Variants in RGS5 observed in about 807,000 individuals in gnomAD.
RGS5 encodes regulator of G protein signaling 5.
RGS5 carries 20 observed loss-of-function variants against 18.9 expected under a neutral mutation model. The ratio of observed to expected loss-of-function variants is 1.06; its 90% CI spans 0.74 to 1.54. The LOEUF (loss-of-function observed/expected upper bound fraction) is 1.54, where lower values mean the gene tolerates loss of function less well. RGS5 is among the 40% of genes most tolerant of loss of function. The pLI is 0.00. For missense variants in RGS5, 201 were observed against 211.8 expected (o/e 0.95, Z 0.32); for synonymous variants, 57 against 76.2 (o/e 0.75, Z 1.31).
intron 2 of RGS5, among the ~76,000 whole-genome samples, chr1:163,284,148 C>A (rs557685359): frequency 6.6e-6 from 1 of 152,132 alleles, no homozygotes; most frequent in African/African-American, 2.4e-5. Flanking sequence ...AGCTTGAATT[C>A]CTGTTTTAAG....
At chr1:163,157,632 G>A (rs889691350) in intron 3 of RGS5, among the ~76,000 whole-genome samples, 6 of 152,088 alleles carry the variant, frequency 3.9e-5, no homozygotes, top group African/African-American at 1.4e-4. Flanking sequence ...ACATAACAAT[G>A]CCAAATTTCC....
intron 1 of RGS5, among the ~76,000 whole-genome samples, chr1:163,183,057 T>C (rs966038406): frequency 3.3e-5 from 5 of 152,226 alleles, no homozygotes; most frequent in African/African-American, 1.2e-4. Flanking sequence ...AACTTTAATG[T>C]GTCCTCTCAT....
intron 1 of RGS5, among the ~76,000 whole-genome samples, chr1:163,190,225 A>G (rs1298583659): frequency 6.6e-6 from 1 of 152,198 alleles, no homozygotes; most frequent in Admixed American, 6.5e-5. Flanking sequence ...CAGAGCTTAG[A>G]CTGAGGCTTA....
intron 2 of RGS5, among the ~76,000 whole-genome samples, chr1:163,293,584 C>T (rs1649349169): frequency 6.6e-6 from 1 of 152,086 alleles, no homozygotes; most frequent in South Asian, 2.1e-4. Context: ...TATCATTCTG[C>T]CCCTGGCCCC....
chr1:163,303,769 T>C (rs947389724), intron 2 of RGS5, among the ~76,000 whole-genome samples: 1 of 152,164 alleles, frequency 6.6e-6, no homozygotes, highest in African/African-American at 2.4e-5. Context: ...ACCACCTGCC[T>C]GAGCTCCATC....
At chr1:163,273,889 G>C (rs1648784477) in intron 2 of RGS5, among the ~76,000 whole-genome samples, 1 of 152,092 alleles carries the variant, frequency 6.6e-6, no homozygotes, top group South Asian at 2.1e-4. Context: ...TGATTCTCTG[G>C]AATGTATGGT....
upstream of RGS5, among the ~76,000 whole-genome samples, chr1:163,218,035 TGAA>T (rs1660255459): frequency 1.3e-5 from 2 of 148,580 alleles, no homozygotes; most frequent in Non-Finnish European, 3.0e-5. Context: ...GTGACCTGCC[TGAA>T]AAAAAAAAAA....
chr1:163,320,459 T>C (rs958550147), intron 1 of RGS5, among the ~76,000 whole-genome samples: 5 of 152,174 alleles, frequency 3.3e-5, no homozygotes, highest in African/African-American at 1.2e-4. Context: ...ACCTAGGTAG[T>C]AAATGGTGTG....
In RGS5 at chr1:163,292,929, A is replaced by G. The variant is rs144859736; in HGVS notation, c.-281+13304T>C. ...ATGCTGGATATTAGACCTTTGTCGA[A>G]TGGATAGATTGCAAAAATTTTCTCC... On this transcript the variant is annotated intron_variant, in intron 2 of 5. Coordinates refer to the RGS5 transcript ENST00000618415. Among the ~76,000 whole-genome samples the G allele has an allele frequency of 3.3e-5, 5 of 152,286 alleles. No homozygotes were observed. The East Asian group carries it at 9.7e-4, about 29-fold the overall frequency.
At chr1:163,252,037 G>T (rs764267747) in intron 2 of RGS5, among the ~76,000 whole-genome samples, 2 of 152,004 alleles carry the variant, frequency 1.3e-5, no homozygotes, top group Non-Finnish European at 2.9e-5. Context: ...ATGATTGCTG[G>T]GTTGTATCTT....
chr1:163,299,233 T>C (rs1382852772), intron 2 of RGS5, among the ~76,000 whole-genome samples: 1 of 152,208 alleles, frequency 6.6e-6, no homozygotes, highest in Admixed American at 6.5e-5. Context: ...GTGTTTAAAA[T>C]GTTAGTCTTC....
chr1:163,273,059 T>C (rs1341151343), intron 2 of RGS5, among the ~76,000 whole-genome samples: 1 of 152,138 alleles, frequency 6.6e-6, no homozygotes. Context: ...GTTTCTATTA[T>C]GATCTCCAAT....
At chr1:163,304,813 G>A (rs1221167677) in intron 2 of RGS5, 1 of 152,122 alleles carries the variant, frequency 6.6e-6, no homozygotes, top group Non-Finnish European at 1.5e-5. Flanking sequence ...CCACACATTG[G>A]GAATAATCAG....
At chr1:163,283,312 G>T (rs1386446618) in intron 2 of RGS5, among the ~76,000 whole-genome samples, 10 of 152,088 alleles carry the variant, frequency 6.6e-5, no homozygotes, top group Non-Finnish European at 1.5e-4. Context: ...ACAACACAAA[G>T]AAATGATAAA....
chr1:163,231,133 A>T (rs1647470253), intron 2 of RGS5, among the ~76,000 whole-genome samples: 1 of 152,240 alleles, frequency 6.6e-6, no homozygotes, highest in African/African-American at 2.4e-5. Flanking sequence ...ACAGGCTAAA[A>T]GTACAAAGAT....
At chr1:163,212,384 T>C (rs1043143074) in intron 1 of RGS5, 1 of 152,104 alleles carries the variant, frequency 6.6e-6, no homozygotes, top group Non-Finnish European at 1.5e-5. Flanking sequence ...ATTAAATAAA[T>C]AGGAATACCC....
At chr1:163,254,965 C>T (rs1232732625) in intron 2 of RGS5, among the ~76,000 whole-genome samples, 13 of 151,838 alleles carry the variant, frequency 8.6e-5, no homozygotes, top group Admixed American at 2.0e-4. Context: ...TGTAGATATG[C>T]GGCGTTATTT....
intron 2 of RGS5, among the ~76,000 whole-genome samples, chr1:163,241,142 CTACTT>C (rs1647782055): frequency 6.6e-6 from 1 of 152,190 alleles, no homozygotes; most frequent in Admixed American, 6.5e-5. Flanking sequence ...TGTATTTACC[CTACTT>C]TACTTTTCTT....
At chr1:163,225,146 T>C (rs866048657) in intron 2 of RGS5, among the ~76,000 whole-genome samples, 19 of 152,290 alleles carry the variant, frequency 1.2e-4, no homozygotes, top group Middle Eastern at 3.4e-3. Flanking sequence ...TTTTCCTCTA[T>C]GTTTCATAGT....
Sources: gnomAD v4.1 joint callset for allele counts (sites outside exome capture counted in the v4.1 genomes callset) on GRCh38, gnomAD v4.1.1 for gene constraint, MANE v1.5 for transcripts, NCBI Gene and HGNC (gene_info 2026-07-23, HGNC 2026-07-21) for gene names.